PCDHA4: variants seen among roughly 807,000 people sequenced by gnomAD.
PCDHA4 encodes the protein protocadherin alpha-4.
A neutral mutation model predicts 61.4 loss-of-function variants in PCDHA4; 49 were observed. That is an observed-to-expected ratio of 0.80 (90% CI 0.63 to 1.01). The LOEUF is 1.01. Among genes scored for constraint, PCDHA4 ranks in the 50% least tolerant of loss-of-function variants. PCDHA4 has a pLI of 0.00. For synonymous variants in PCDHA4, 590 were observed against 550.3 expected, an observed-to-expected ratio of 1.07 and a Z score of -1.01; for missense variants, 1,254 against 1,235.8, an observed-to-expected ratio of 1.01 and a Z score of -0.22.
chr5:140,926,704 T>C (rs1481559865), intron 1 of PCDHA4: 7 of 842,670 alleles, frequency 8.3e-6, no homozygotes, highest in Non-Finnish European at 1.2e-5. Context: ...GGCTCCCAGC[T>C]GGCCAGCCCC....
chr5:140,895,320 T>C (rs561707282), intron 1 of PCDHA4, among the ~76,000 whole-genome samples: 2 of 152,298 alleles, frequency 1.3e-5, no homozygotes, highest in East Asian at 3.9e-4. Flanking sequence ...CCATGACTAT[T>C]GTTCTCAAAT....
chr5:140,897,340 C>T, intron 1 of PCDHA4, among the ~76,000 whole-genome samples: 1 of 122,942 alleles, frequency 8.1e-6, no homozygotes, highest in Non-Finnish European at 1.6e-5. Context: ...CCCCTCCCCC[C>T]ACCCCACAAC....
chr5:140,951,966 C>G (rs1554220177), intron 1 of PCDHA4, among the ~76,000 whole-genome samples: 1 of 152,128 alleles, frequency 6.6e-6, no homozygotes, highest in African/African-American at 2.4e-5. Flanking sequence ...GGTAAATACT[C>G]CTGTTCCAAA....
chr5:140,849,664 C>G, intron 1 of PCDHA4: 1 of 1,598,668 alleles, frequency 6.3e-7, no homozygotes, highest in Non-Finnish European at 8.6e-7. Flanking sequence ...TGCTCCCTGA[C>G]GCCCCACGTC....
At chr5:140,875,925 T>C in intron 1 of PCDHA4, 2 of 1,614,142 alleles carry the variant, frequency 1.2e-6, no homozygotes. Context: ...TGGACTCTCA[T>C]TTTCCTCTAG....
intron 1 of PCDHA4, chr5:140,828,028 A>G (rs2150150265): frequency 1.0e-4 from 158 of 1,520,712 alleles, no homozygotes; most frequent in Non-Finnish European, 4.4e-6. Flanking sequence ...AAATTCCGGA[A>G]CATACAGTAT....
At position 140,853,954 on chromosome 5, in the gene PCDHA4, C is replaced by G. The variant is rs889937140; in HGVS notation, c.2385+44382C>G. The G allele has an allele frequency of 6.5e-5, 49 of 756,134 alleles. 3 individuals are homozygous for G. In the Middle Eastern group the frequency reaches 2.0e-3, roughly 31 times the overall value. The allele number at this position is 756,134 out of a possible 1,614,324, so 46.8% of individuals were successfully genotyped here. On this transcript the variant is annotated intron_variant, in intron 1 of 3. Coordinates refer to ENST00000530339, the MANE Select transcript of PCDHA4 (RefSeq NM_018907.4). The stretch of plus-strand genomic sequence containing the variant: ...GAGGCCAAGGTGGGAGGGTCCCTTC[C>G]TTGAGCCCAGCAGTTTGAGACCAAT...
intron 3 of PCDHA4, among the ~76,000 whole-genome samples, chr5:140,990,902 C>G (rs2097421729): frequency 6.6e-6 from 1 of 152,112 alleles, no homozygotes; most frequent in African/African-American, 2.4e-5. Flanking sequence ...GTTGCTGGGT[C>G]AAGTTTTATA....
chr5:140,928,602 G>A (rs927910920), intron 1 of PCDHA4: 26 of 1,614,058 alleles, frequency 1.6e-5, no homozygotes, highest in Non-Finnish European at 2.2e-5. Context: ...TGGAAATTGT[G>A]CCCCGCTCTG....
rs782498556 is a variant in PCDHA4 at position 140,807,608 on chromosome 5, T to A, written c.421T>A (p.Ser141Thr). Residue 141 changes from serine to threonine, a missense_variant, in exon 1 of 4, where the codon TCC (serine) becomes ACC (threonine). By Grantham distance (58) the Ser-to-Thr change is moderately conservative (BLOSUM62 1). Coordinates refer to ENST00000530339, the MANE Select transcript of PCDHA4 (RefSeq NM_018907.4). ...GTTCCCAGCAACACAAAAGAACCTG[T>A]CCATCGCGGAATCCAGGCCGCTTGA... is the stretch of plus-strand genomic sequence containing the variant. The part of the protein sequence containing the change: ...PVFPATQKNL[S>T]IAESRPLDSR... 6.2e-7 allele frequency: 1 copy of A among 1,613,984 alleles called. No individual in the cohort carries two copies. Among genetic ancestry groups the A allele is most frequent in the Non-Finnish European group, 8.5e-7 (1 of 1,180,024 alleles).
intron 1 of PCDHA4, among the ~76,000 whole-genome samples, chr5:140,964,252 T>C (rs569615423): frequency 4.6e-5 from 7 of 152,332 alleles, no homozygotes; most frequent in African/African-American, 1.7e-4. Context: ...GGCTTTATAT[T>C]TGACTCCTTA....
intron 1 of PCDHA4, chr5:140,825,958 CT>C (rs1175194482): frequency 1.3e-5 from 2 of 152,338 alleles, no homozygotes; most frequent in African/African-American, 2.4e-5. Flanking sequence ...CATTTGTCTA[CT>C]CTTTTGAGGG....
At chr5:140,950,580 C>T (rs2094499075) in intron 1 of PCDHA4, among the ~76,000 whole-genome samples, 1 of 151,958 alleles carries the variant, frequency 6.6e-6, no homozygotes, top group South Asian at 2.1e-4. Context: ...TTTCTACTTA[C>T]CTTTGGTTTA....
At chr5:141,009,529 T>C in intron 3 of PCDHA4, 98 bp from the exon 4 acceptor site, 2 of 1,505,630 alleles carry the variant, frequency 1.3e-6, no homozygotes, top group Non-Finnish European at 1.8e-6. Context: ...TCTGGGGAGG[T>C]TCAGCCTGCC....
chr5:140,891,589 C>T (rs1459113596), intron 1 of PCDHA4, among the ~76,000 whole-genome samples: 1 of 152,166 alleles, frequency 6.6e-6, no homozygotes, highest in East Asian at 1.9e-4. Context: ...TCTTATTACT[C>T]TATCCCATCT....
intron 1 of PCDHA4, chr5:140,858,297 A>T: frequency 1.3e-6 from 2 of 1,597,406 alleles, no homozygotes; most frequent in Non-Finnish European, 1.7e-6. Context: ...TCTTACTCGC[A>T]GCAGAGGCGG....
At position 140,830,064 on chromosome 5, in the gene PCDHA4, C is replaced by T. The variant is rs148379064; in HGVS notation, c.2385+20492C>T. On this transcript the variant is annotated intron_variant, in intron 1 of 3. Transcript: ENST00000530339. Reference sequence around the variant, plus strand: ...CTGGTGAAAGACCACGGTGAGCCGGCGCTGACAGCGACGGCCACGGTTCTG... The same window carrying T: ...CTGGTGAAAGACCACGGTGAGCCGGTGCTGACAGCGACGGCCACGGTTCTG... 52 of 1,613,544 alleles carry T rather than the reference C, an allele frequency of 3.2e-5. No individual in the cohort carries two copies. The African/African-American group carries it at 5.9e-4, about 18-fold the overall frequency.
chr5:140,851,336 A>C, intron 1 of PCDHA4: 1 of 979,180 alleles, frequency 1.0e-6, no homozygotes, highest in Non-Finnish European at 1.2e-6. Context: ...GTAGTTCTCT[A>C]CATTTCTCTG....
intron 1 of PCDHA4, chr5:140,871,672 T>C (rs2053253410): frequency 2.6e-6 from 3 of 1,153,066 alleles, no homozygotes; most frequent in Non-Finnish European, 3.6e-6. Flanking sequence ...AGTCTTTTAA[T>C]CATATGAATA....
Sources: gnomAD v4.1 joint callset for allele counts (sites outside exome capture counted in the v4.1 genomes callset) on GRCh38, gnomAD v4.1.1 for gene constraint, MANE v1.5 for transcripts, NCBI Gene and HGNC (gene_info 2026-07-23, HGNC 2026-07-21) for gene names.